The following LIMCH1 variants were observed in gnomAD, a reference collection of about 807,000 sequenced individuals.
LIMCH1 encodes LIM and calponin homology domains-containing protein 1.
In LIMCH1, 113 loss-of-function variants were observed where a neutral mutation model predicts 176.5. That is an observed-to-expected ratio of 0.64 (90% CI 0.55 to 0.75). The LOEUF (loss-of-function observed/expected upper bound fraction) is 0.75. LIMCH1 is among the 30% of genes least tolerant of loss of function. LIMCH1 has a pLI of 0.00. For synonymous variants in LIMCH1, 619 were observed against 645.9 expected, an observed-to-expected ratio of 0.96 and a Z score of 0.63; for missense variants, 1,674 against 1,814.9, an observed-to-expected ratio of 0.92 and a Z score of 1.41.
chr4:41,644,536 G>A lies in LIMCH1; in HGVS notation c.2163G>A (p.Glu721=). Residue 721 remains glutamate (E), a synonymous_variant, in exon 15 of 32, where the codon GAG becomes GAA. Transcript: ENST00000503057. ...TGTTTGACATGCGGTGTGAGGAGGA[G>A]GCCGCGGTGCAGCCGCACAGCAGGG... The part of the protein sequence containing the change: ...TSMFDMRCEE[E]AAVQPHSRAR... 6.3e-7 allele frequency: 1 copy of A among 1,596,498 alleles called. No individual in the cohort carries two copies. The highest frequency in any genetic ancestry group is 8.5e-7 in the Non-Finnish European group (1 of 1,171,798).
chr4:41,416,059 G>T (rs763404114), intron 1 of LIMCH1, among the ~76,000 whole-genome samples: 2 of 152,026 alleles, frequency 1.3e-5, no homozygotes, highest in Non-Finnish European at 2.9e-5. Flanking sequence ...TCAGGCTGGC[G>T]CTGAGTACTG....
chr4:41,636,340 C>CTT (rs35828085), intron 13 of LIMCH1, among the ~76,000 whole-genome samples: 28,433 of 104,192 alleles, frequency 0.27, 4,302 homozygotes, highest in Non-Finnish European at 0.31. Context: ...TGCTTTATTA[C>CTT]TTTTTTTTTT....
chr4:41,418,981 A>T (rs1305089845), intron 1 of LIMCH1, among the ~76,000 whole-genome samples: 3 of 152,184 alleles, frequency 2.0e-5, no homozygotes, highest in African/African-American at 7.2e-5. Flanking sequence ...TGGAATCTTA[A>T]GTCATCCACA....
chr4:41,404,014 G>A (rs1292343061), intron 1 of LIMCH1, among the ~76,000 whole-genome samples: 1 of 152,242 alleles, frequency 6.6e-6, no homozygotes, highest in Non-Finnish European at 1.5e-5. Flanking sequence ...AGAGGTACAA[G>A]GAAATGGGAG....
chr4:41,660,586 G>A (rs1195809953), intron 18 of LIMCH1, among the ~76,000 whole-genome samples: 1 of 152,288 alleles, frequency 6.6e-6, no homozygotes, highest in Non-Finnish European at 1.5e-5. Flanking sequence ...TATTCATGAG[G>A]TATGAGTCAA....
intron 1 of LIMCH1, among the ~76,000 whole-genome samples, chr4:41,464,447 G>A (rs1402706785): frequency 7.0e-6 from 1 of 143,668 alleles, no homozygotes; most frequent in East Asian, 2.1e-4. Flanking sequence ...CTGATCACTT[G>A]CTCACTGCAA....
chr4:41,515,221 G>A (rs1285177775), intron 2 of LIMCH1, among the ~76,000 whole-genome samples: 1 of 152,228 alleles, frequency 6.6e-6, no homozygotes, highest in Admixed American at 6.5e-5. Flanking sequence ...TGGCTGCGGT[G>A]ATCACGCAGC....
At chr4:41,393,870 T>A (rs1162009619) in intron 1 of LIMCH1, among the ~76,000 whole-genome samples, 1 of 152,212 alleles carries the variant, frequency 6.6e-6, no homozygotes, top group African/African-American at 2.4e-5. Context: ...ATCCTCTGGC[T>A]TAGACTTTTC....
At chr4:41,542,319 G>T (rs1446497111) in intron 1 of LIMCH1, among the ~76,000 whole-genome samples, 1 of 151,700 alleles carries the variant, frequency 6.6e-6, no homozygotes, top group African/African-American at 2.4e-5. Flanking sequence ...ATATGGAAAA[G>T]CTTAGGGAAT....
At chr4:41,658,149 T>C (rs1416679195) in intron 18 of LIMCH1, among the ~76,000 whole-genome samples, 4 of 152,060 alleles carry the variant, frequency 2.6e-5, no homozygotes, top group African/African-American at 9.7e-5. Flanking sequence ...TCGCTTAACC[T>C]CCCGGGCCTC....
chr4:41,579,305 G>A (rs2085011106), intron 1 of LIMCH1, among the ~76,000 whole-genome samples: 1 of 152,184 alleles, frequency 6.6e-6, no homozygotes, highest in South Asian at 2.1e-4. Flanking sequence ...GAAATTGATC[G>A]GGCATAATGT....
At chr4:41,685,597 C>A in intron 27 of LIMCH1, 113 bp from the exon 28 acceptor site, 1 of 1,255,514 alleles carries the variant, frequency 8.0e-7, no homozygotes, top group Non-Finnish European at 1.1e-6. Context: ...CCATGACCTG[C>A]ATGAAATCGC....
upstream of LIMCH1, among the ~76,000 whole-genome samples, chr4:41,535,594 C>T (rs781333407): frequency 6.6e-6 from 1 of 152,136 alleles, no homozygotes; most frequent in Non-Finnish European, 1.5e-5. Flanking sequence ...TACCTTCTTA[C>T]AGTCACTACA....
chr4:41,395,414 T>C (rs762117432), intron 1 of LIMCH1, among the ~76,000 whole-genome samples: 12 of 151,110 alleles, frequency 7.9e-5, no homozygotes, highest in Non-Finnish European at 1.8e-4. Flanking sequence ...GGCTAATTTT[T>C]GTATTTTTAG....
intron 1 of LIMCH1, among the ~76,000 whole-genome samples, chr4:41,460,381 T>C (rs993791891): frequency 6.7e-6 from 1 of 150,178 alleles, no homozygotes; most frequent in Admixed American, 6.6e-5. Flanking sequence ...GGAACATCCT[T>C]CACCTATATT....
chr4:41,487,457 T>C (rs569837432), intron 1 of LIMCH1, among the ~76,000 whole-genome samples: 12 of 152,264 alleles, frequency 7.9e-5, no homozygotes, highest in Non-Finnish European at 1.3e-4. Context: ...ATGGTGCCTA[T>C]TCCCAGAATT....
Position 41,662,981 on chromosome 4 carries a change from A to G in LIMCH1, c.3288A>G (p.Gln1096=). 6.2e-7 allele frequency: 1 copy of G among 1,613,622 alleles called. No homozygotes were observed. The highest frequency in any genetic ancestry group is 8.5e-7 in the Non-Finnish European group (1 of 1,179,776). The part of the protein sequence containing the change: ...MSGKVELVLS[Q]KVVKPKSPEP... Reference sequence around the variant, plus strand: ...GAAAGGTGGAGTTGGTGCTGTCACAAAAGGTGAAGTGCAGAGTGGAGGAAA... The same window carrying G: ...GAAAGGTGGAGTTGGTGCTGTCACAGAAGGTGAAGTGCAGAGTGGAGGAAA... Residue 1096 remains glutamine (Q), a synonymous_variant, in exon 20 of 32, where the codon CAA becomes CAG. Transcript: ENST00000503057.
chr4:41,414,955 C>T (rs576785209), intron 1 of LIMCH1, among the ~76,000 whole-genome samples: 3 of 152,132 alleles, frequency 2.0e-5, no homozygotes, highest in East Asian at 1.9e-4. Context: ...TCTTTCTTGC[C>T]GCTTATTAGA....
chr4:41,423,462 G>A (rs1307675321), intron 1 of LIMCH1, among the ~76,000 whole-genome samples: 4 of 145,374 alleles, frequency 2.8e-5, no homozygotes, highest in Non-Finnish European at 6.0e-5. Flanking sequence ...AAAAAAAAAA[G>A]GAATCCTGCA....
Sources: allele counts gnomAD v4.1 joint callset (sites outside exome capture counted in the v4.1 genomes callset), GRCh38; gene constraint gnomAD v4.1.1; transcripts MANE v1.5; gene names NCBI Gene and HGNC (gene_info 2026-07-23, HGNC 2026-07-21).